Variants in PITPNC1 observed in about 807,000 individuals in gnomAD.
PITPNC1 encodes phosphatidylinositol transfer protein cytoplasmic 1.
Under a neutral mutation model 44.7 loss-of-function variants are expected in PITPNC1, and 18 were observed. The observed-to-expected ratio is 0.40, with a 90% CI of 0.28 to 0.60. PITPNC1 has a LOEUF of 0.60. PITPNC1 is among the 20% of genes least tolerant of loss of function. The pLI is 0.39. For missense variants in PITPNC1, 290 were observed against 418.4 expected, an observed-to-expected ratio of 0.69 and a Z score of 2.68; for synonymous variants, 141 against 149.6, an observed-to-expected ratio of 0.94 and a Z score of 0.42.
At chr17:67,577,453 C>T (rs570496100) in intron 4 of PITPNC1, among the ~76,000 whole-genome samples, 5 of 151,672 alleles carry the variant, frequency 3.3e-5, no homozygotes, top group East Asian at 1.9e-4. Context: ...CCGGGCTACA[C>T]GGAAGGCTAA....
rs990347311 is a variant in PITPNC1, at chr17:67,377,608, C to G, written c.-547C>G. 6.5e-6 allele frequency: 1 copy of G among 152,716 alleles called. No homozygotes were observed. Among genetic ancestry groups the G allele is most frequent in the African/African-American group, 2.4e-5 (1 of 41,446 alleles). The allele number at this position is 152,716 out of a possible 1,614,324, so 9.5% of individuals were successfully genotyped here. On this transcript the variant is annotated 5_prime_UTR_variant, in exon 1 of 9. Transcript: ENST00000581322. ...TTGTTTACCGCCCGCGGAGAGAAGCCGATCGAGCCTTTGTCTGGAAAGTCA... is the reference window on the plus strand; with the variant it reads ...TTGTTTACCGCCCGCGGAGAGAAGCGGATCGAGCCTTTGTCTGGAAAGTCA...
chr17:67,657,169 T>C (rs1242585878), intron 6 of PITPNC1, among the ~76,000 whole-genome samples: 4 of 149,862 alleles, frequency 2.7e-5, no homozygotes, highest in Non-Finnish European at 4.4e-5. Context: ...TTTTTTGTTT[T>C]GTTTTGTTTT....
chr17:67,430,880 G>A (rs2143894609), intron 1 of PITPNC1, among the ~76,000 whole-genome samples: 1 of 151,226 alleles, frequency 6.6e-6, no homozygotes, highest in East Asian at 2.0e-4. Context: ...CTTGGGCCCA[G>A]GAAGGTTGCA....
chr17:67,661,951 C>A (rs916566176), intron 6 of PITPNC1, among the ~76,000 whole-genome samples: 1 of 150,312 alleles, frequency 6.7e-6, no homozygotes, highest in African/African-American at 2.5e-5. Context: ...GCCAAGATCA[C>A]GCCACTGCAC....
At chr17:67,440,085 A>G (rs1353967899) in intron 1 of PITPNC1, among the ~76,000 whole-genome samples, 1 of 152,204 alleles carries the variant, frequency 6.6e-6, no homozygotes, top group Non-Finnish European at 1.5e-5. Context: ...CCTTGAGCAA[A>G]GCCTAGAGAA....
intron 6 of PITPNC1, among the ~76,000 whole-genome samples, chr17:67,642,101 G>T (rs1392311507): frequency 6.6e-6 from 1 of 152,120 alleles, no homozygotes; most frequent in Non-Finnish European, 1.5e-5. Flanking sequence ...CTGAAGATGT[G>T]TGAGATGGAA....
At chr17:67,660,554 A>ATTTATTTAT (rs2042330548) in intron 6 of PITPNC1, among the ~76,000 whole-genome samples, 2 of 148,884 alleles carry the variant, frequency 1.3e-5, no homozygotes. Context: ...TTATTTATTT[A>ATTTATTTAT]TTTTTGAGAT....
intron 1 of PITPNC1, among the ~76,000 whole-genome samples, chr17:67,476,658 AT>A (rs1568006048): frequency 6.6e-6 from 1 of 151,518 alleles, no homozygotes; most frequent in African/African-American, 2.4e-5. Flanking sequence ...ATTTTTGTTT[AT>A]TTTTTTGTAG....
intron 5 of PITPNC1, among the ~76,000 whole-genome samples, chr17:67,583,556 C>T (rs954530064): frequency 6.8e-6 from 1 of 148,102 alleles, no homozygotes; most frequent in Non-Finnish European, 1.5e-5. Flanking sequence ...CCACTGCACT[C>T]CAGCATGGGC....
In PITPNC1 at chr17:67,462,126, T is replaced by C. The variant is rs148266097; in HGVS notation, c.49-70676T>C. ...AGTTGCAGTTTATTTGCTTGGTCCT[T>C]TGAACAGGAAGAGAGTTATGTTTAT... On this transcript the variant is annotated intron_variant, in intron 1 of 8. Transcript: ENST00000581322. 1.9e-3 allele frequency among the ~76,000 whole-genome samples: 287 copies of C among 152,114 alleles called. 2 individuals are homozygous for C. The highest frequency in any genetic ancestry group is 0.014 in the Middle Eastern group (4 of 294).
intron 1 of PITPNC1, among the ~76,000 whole-genome samples, chr17:67,529,090 G>A (rs2049480836): frequency 1.3e-5 from 2 of 152,136 alleles, no homozygotes; most frequent in Admixed American, 1.3e-4. Context: ...CGCCGTCTCA[G>A]TGAGCTAATG....
chr17:67,401,634 A>C (rs1322915113), intron 1 of PITPNC1, among the ~76,000 whole-genome samples: 1 of 152,132 alleles, frequency 6.6e-6, no homozygotes, highest in Non-Finnish European at 1.5e-5. Context: ...TCATGAGGTC[A>C]GGAGTTCAAG....
intron 6 of PITPNC1, among the ~76,000 whole-genome samples, chr17:67,636,009 C>G (rs1021393220): frequency 2.6e-5 from 4 of 152,126 alleles, no homozygotes; most frequent in African/African-American, 9.7e-5. Context: ...AAAGAATTAT[C>G]TGGCTCCAGC....
intron 5 of PITPNC1, among the ~76,000 whole-genome samples, chr17:67,627,395 C>T (rs191040084): frequency 2.6e-5 from 4 of 152,368 alleles, no homozygotes; most frequent in South Asian, 2.1e-4. Flanking sequence ...GGAGCTTCCT[C>T]GTGCTTGCTA....
chr17:67,540,092 T>G (rs2040585654), intron 2 of PITPNC1, among the ~76,000 whole-genome samples: 1 of 151,172 alleles, frequency 6.6e-6, no homozygotes, highest in South Asian at 2.1e-4. Context: ...TTTATTTTAT[T>G]TTATTTTATT....
At chr17:67,586,120 G>A (rs567758434) in intron 5 of PITPNC1, among the ~76,000 whole-genome samples, 10 of 152,252 alleles carry the variant, frequency 6.6e-5, no homozygotes, top group African/African-American at 2.4e-4. Context: ...TAAGTAGACT[G>A]GCAGGAACTG....
At chr17:67,604,272 A>G (rs1406263817) in intron 5 of PITPNC1, among the ~76,000 whole-genome samples, 1 of 152,220 alleles carries the variant, frequency 6.6e-6, no homozygotes, top group East Asian at 1.9e-4. Context: ...ATCTTCAGAC[A>G]TGGATGGAAG....
At chr17:67,414,584 C>T (rs554661473) in intron 1 of PITPNC1, among the ~76,000 whole-genome samples, 28 of 152,232 alleles carry the variant, frequency 1.8e-4, no homozygotes, top group African/African-American at 5.5e-4. Flanking sequence ...TATTGGAACA[C>T]GGGCACACTC....
rs2040633110 is a variant in PITPNC1 at position 67,543,262 on chromosome 17, T to C, written c.198-8995T>C. Among the ~76,000 whole-genome samples the C allele has an allele frequency of 2.0e-5, 3 of 152,230 alleles. No individual in the cohort carries two copies. The South Asian group carries it at 6.2e-4, about 32-fold the overall frequency. On this transcript the variant is annotated intron_variant, in intron 2 of 8. Transcript: ENST00000581322. Reference sequence around the variant, plus strand: ...TGCCTGCAGCCATCAGCACCGCAGCTGCCCTGAGTAGATCTGAATTGTCCT... The same window carrying C: ...TGCCTGCAGCCATCAGCACCGCAGCCGCCCTGAGTAGATCTGAATTGTCCT...
Sources: gnomAD v4.1 joint callset for allele counts (sites outside exome capture counted in the v4.1 genomes callset) on GRCh38, gnomAD v4.1.1 for gene constraint, MANE v1.5 for transcripts, NCBI Gene and HGNC (gene_info 2026-07-23, HGNC 2026-07-21) for gene names.